SEM1: variants seen among roughly 807,000 people sequenced by gnomAD.
SEM1 encodes the protein 26S proteasome complex subunit SEM1.
In SEM1, 3 loss-of-function variants were observed where a neutral mutation model predicts 12.7. The observed-to-expected ratio is 0.24, with a 90% CI of 0.11 to 0.61. The LOEUF is 0.61. Ranked by LOEUF, SEM1 falls within the 20% of genes least tolerant of loss-of-function variation. The pLI is 0.88. For synonymous variants in SEM1, 30 were observed against 27.8 expected, an observed-to-expected ratio of 1.08 and a Z score of -0.25; for missense variants, 59 against 81.3, an observed-to-expected ratio of 0.73 and a Z score of 1.06.
chr7:96,545,751 A>G (rs1268363282), intron 2 of SEM1, among the ~76,000 whole-genome samples: 1 of 152,106 alleles, frequency 6.6e-6, no homozygotes, highest in African/African-American at 2.4e-5. Flanking sequence ...TGGCCCATAC[A>G]GATAAATGCA....
downstream of SEM1, among the ~76,000 whole-genome samples, chr7:96,685,855 G>A (rs970965794): frequency 4.0e-5 from 6 of 151,636 alleles, no homozygotes; most frequent in African/African-American, 1.5e-4. Context: ...GCTCAGCCCT[G>A]CAGGGATTCT....
At chr7:96,674,323 A>G (rs1789398863) in intron 2 of SEM1, among the ~76,000 whole-genome samples, 1 of 152,088 alleles carries the variant, frequency 6.6e-6, no homozygotes, top group South Asian at 2.1e-4. Flanking sequence ...AGCAGTGTTT[A>G]TACATATATT....
intron 2 of SEM1, among the ~76,000 whole-genome samples, chr7:96,667,544 C>T (rs542502002): frequency 3.7e-4 from 56 of 152,142 alleles, no homozygotes; most frequent in Non-Finnish European, 6.5e-4. Context: ...GCATAATCCC[C>T]GAATCTTGGG....
chr7:96,485,791 C>A (rs141838018), intron 2 of SEM1, among the ~76,000 whole-genome samples: 1 of 152,036 alleles, frequency 6.6e-6, no homozygotes, highest in Non-Finnish European at 1.5e-5. Flanking sequence ...CTGTCCACCT[C>A]GGCCTTGCAA....
intron 1 of SEM1, among the ~76,000 whole-genome samples, chr7:96,705,375 A>AAC (rs1790419524): frequency 7.1e-6 from 1 of 141,330 alleles, no homozygotes; most frequent in Admixed American, 7.1e-5. Flanking sequence ...AAAAAAAAAA[A>AAC]CCCTTTCAAT....
intron 2 of SEM1, among the ~76,000 whole-genome samples, chr7:96,655,430 C>T (rs1328108352): frequency 6.8e-6 from 1 of 148,126 alleles, no homozygotes; most frequent in South Asian, 2.1e-4. Context: ...GACATAAAAT[C>T]AATGCAAATA....
At chr7:96,504,178 G>A (rs1317939584) in intron 3 of SEM1, among the ~76,000 whole-genome samples, 1 of 151,992 alleles carries the variant, frequency 6.6e-6, no homozygotes, top group African/African-American at 2.4e-5. Flanking sequence ...CACCCCGTGG[G>A]GTCCAAACCT....
exon 4 of SEM1, chr7:96,483,653 T>G (rs1196312877): frequency 3.6e-5 from 21 of 589,970 alleles, no homozygotes; most frequent in Middle Eastern, 4.7e-4. Context: ...AGCACTAGAA[T>G]ATGTATTAAC....
At chr7:96,606,934 G>A (rs569305480) in intron 2 of SEM1, among the ~76,000 whole-genome samples, 1 of 152,154 alleles carries the variant, frequency 6.6e-6, no homozygotes, top group Non-Finnish European at 1.5e-5. Flanking sequence ...GTACAGAAGA[G>A]CTTTGTGGAA....
chr7:96,529,696 A>T (rs1804583471), intron 2 of SEM1, among the ~76,000 whole-genome samples: 1 of 152,174 alleles, frequency 6.6e-6, no homozygotes, highest in Admixed American at 6.5e-5. Context: ...TTTCTAAAAA[A>T]GACCATCACT....
chr7:96,685,995 A>G (rs974566038), downstream of SEM1, among the ~76,000 whole-genome samples: 13 of 152,086 alleles, frequency 8.5e-5, no homozygotes, highest in Admixed American at 6.6e-4. Context: ...AAATATCTGC[A>G]AGAAACCCAA....
At chr7:96,564,948 C>T (rs1281419035) in intron 2 of SEM1, among the ~76,000 whole-genome samples, 1 of 151,950 alleles carries the variant, frequency 6.6e-6, no homozygotes, top group Non-Finnish European at 1.5e-5. Context: ...TTGACTTAAA[C>T]TTTAGAAAAC....
chr7:96,545,613 T>G (rs1805082209), intron 2 of SEM1, among the ~76,000 whole-genome samples: 1 of 152,106 alleles, frequency 6.6e-6, no homozygotes, highest in East Asian at 1.9e-4. Context: ...GTTTATTCCT[T>G]AGTGTTTTAT....
At chr7:96,593,478 T>C (rs1524924) in intron 2 of SEM1, among the ~76,000 whole-genome samples, 47,736 of 151,992 alleles carry the variant, frequency 0.31, 7,519 homozygotes, top group Middle Eastern at 0.33. Context: ...TTTTTTGGTA[T>C]GTTGGCCTGT....
chr7:96,500,402 C>T (rs1181912337), upstream of SEM1, among the ~76,000 whole-genome samples: 1 of 152,022 alleles, frequency 6.6e-6, no homozygotes, highest in East Asian at 1.9e-4. Flanking sequence ...TGAGTTCAAA[C>T]GTTAAGGAAA....
chr7:96,692,368 T>C (rs1371949153), intron 2 of SEM1, among the ~76,000 whole-genome samples: 1 of 152,124 alleles, frequency 6.6e-6, no homozygotes, highest in African/African-American at 2.4e-5. Flanking sequence ...AATTTCAAAA[T>C]GTCAAAAACA....
At chr7:96,607,124 G>T (rs760080021) in intron 2 of SEM1, among the ~76,000 whole-genome samples, 1 of 152,066 alleles carries the variant, frequency 6.6e-6, no homozygotes, top group Non-Finnish European at 1.5e-5. Context: ...TACCTATTAT[G>T]TGCCAGAAAC....
intron 2 of SEM1, among the ~76,000 whole-genome samples, chr7:96,630,538 C>G (rs1563090045): frequency 6.6e-6 from 1 of 152,136 alleles, no homozygotes. Context: ...ACAGGCTCCC[C>G]TCTGGCCCAG....
chr7:96,561,946 AG>A (rs1805701241), intron 2 of SEM1, among the ~76,000 whole-genome samples: 1 of 152,204 alleles, frequency 6.6e-6, no homozygotes, highest in Admixed American at 6.5e-5. Context: ...ATGCACTAAA[AG>A]GGATAGAACA....
Sources: gnomAD v4.1 joint callset for allele counts (sites outside exome capture counted in the v4.1 genomes callset) on GRCh38, gnomAD v4.1.1 for gene constraint, MANE v1.5 for transcripts, NCBI Gene and HGNC (gene_info 2026-07-23, HGNC 2026-07-21) for gene names.